The following CYSTM1 variants were observed in gnomAD, a reference collection of about 807,000 sequenced individuals.
The protein encoded by CYSTM1 is cysteine-rich transmembrane module-containing protein 1.
A neutral mutation model predicts 13.1 loss-of-function variants in CYSTM1; 4 were observed. The ratio of observed to expected loss-of-function variants is 0.31; its 90% CI spans 0.15 to 0.70. The LOEUF (loss-of-function observed/expected upper bound fraction) is 0.70, where lower values mean the gene tolerates loss of function less well. Among genes scored for constraint, CYSTM1 ranks in the 30% least tolerant of loss-of-function variants. The pLI, the probability that CYSTM1 is intolerant of heterozygous loss-of-function variation, is 0.72. For missense variants in CYSTM1, 96 were observed against 121.6 expected, an observed-to-expected ratio of 0.79 and a Z score of 0.99; for synonymous variants, 36 against 42.7, an observed-to-expected ratio of 0.84 and a Z score of 0.62.
intron 2 of CYSTM1, among the ~76,000 whole-genome samples, chr5:140,231,995 A>C (rs1003228438): frequency 1.3e-5 from 2 of 152,220 alleles, no homozygotes; most frequent in African/African-American, 4.8e-5. Flanking sequence ...GCACAGGTAC[A>C]CATGGTGATT....
At chr5:140,201,300 C>T (rs898523124) in intron 2 of CYSTM1, 1 of 152,218 alleles carries the variant, frequency 6.6e-6, no homozygotes, top group Non-Finnish European at 1.5e-5. Context: ...TATCCACCCC[C>T]TTCCACCACC....
At chr5:140,213,010 T>TATGA (rs1561814064) in intron 2 of CYSTM1, among the ~76,000 whole-genome samples, 1 of 122,396 alleles carries the variant, frequency 8.2e-6, no homozygotes, top group Non-Finnish European at 1.7e-5. Flanking sequence ...TATATATATA[T>TATGA]GAGAGAGAGA....
intron 2 of CYSTM1, among the ~76,000 whole-genome samples, chr5:140,224,298 C>T (rs962217783): frequency 2.0e-5 from 3 of 152,050 alleles, no homozygotes; most frequent in Non-Finnish European, 4.4e-5. Flanking sequence ...CGCCACCACA[C>T]CCAGCTAATT....
chr5:140,213,665 G>A (rs1764397075), intron 2 of CYSTM1, among the ~76,000 whole-genome samples: 1 of 152,058 alleles, frequency 6.6e-6, no homozygotes, highest in South Asian at 2.1e-4. Flanking sequence ...CATTTTTACT[G>A]TACCTTTTCT....
intron 2 of CYSTM1, among the ~76,000 whole-genome samples, chr5:140,198,585 G>A (rs561011936): frequency 1.3e-5 from 2 of 152,348 alleles, no homozygotes; most frequent in South Asian, 4.1e-4. Context: ...GCCCAGAACT[G>A]GCACAGCATC....
At chr5:140,228,728 A>G (rs1281674865) in intron 2 of CYSTM1, 2 of 398,954 alleles carry the variant, frequency 5.0e-6, no homozygotes, top group African/African-American at 2.1e-5. Flanking sequence ...CCCCTTCAAC[A>G]GTGTACGTGA....
At chr5:140,177,075 A>AAAAACAAAAAAAAAACAACAAC (rs1356130969) in intron 1 of CYSTM1, among the ~76,000 whole-genome samples, 9 of 151,108 alleles carry the variant, frequency 6.0e-5, no homozygotes, top group African/African-American at 1.5e-4. Flanking sequence ...TCTCAAAAAA[A>AAAAACAAAAAAAAAACAACAAC]AAAAAAAAAA....
At chr5:140,177,237 G>C (rs577457745) in intron 1 of CYSTM1, among the ~76,000 whole-genome samples, 4 of 152,084 alleles carry the variant, frequency 2.6e-5, no homozygotes, top group South Asian at 2.1e-4. Flanking sequence ...ATTTTTCCCA[G>C]CCCTGAAATT....
chr5:140,191,335 C>A (rs920889773), intron 1 of CYSTM1, among the ~76,000 whole-genome samples: 3 of 152,160 alleles, frequency 2.0e-5, no homozygotes, highest in African/African-American at 7.2e-5. Flanking sequence ...TGTATAAATG[C>A]CTCTGTGAAT....
intron 2 of CYSTM1, among the ~76,000 whole-genome samples, chr5:140,218,764 G>A (rs1424511030): frequency 3.3e-5 from 5 of 152,170 alleles, no homozygotes; most frequent in Non-Finnish European, 5.9e-5. Context: ...TGCTATATAC[G>A]GGGCTTTTGG....
Position 140,229,420 on chromosome 5 carries a change from C to T in CYSTM1, c.188-13885C>T, listed in dbSNP as rs1171337184. Reference sequence around the variant, plus strand: ...CCATGTTTTCCAGGCTGGTCTTGAACTCCTGAATTTAAGCGATCCACCTGA... The same window carrying T: ...CCATGTTTTCCAGGCTGGTCTTGAATTCCTGAATTTAAGCGATCCACCTGA... On this transcript the variant is annotated intron_variant, in intron 2 of 2. Transcript: ENST00000261811. 2.0e-5 allele frequency among the ~76,000 whole-genome samples: 3 copies of T among 152,004 alleles called. No homozygotes were observed. In the South Asian group the frequency reaches 6.2e-4, roughly 32 times the overall value.
intron 2 of CYSTM1, among the ~76,000 whole-genome samples, chr5:140,240,030 C>T (rs1355718245): frequency 1.3e-5 from 2 of 152,190 alleles, no homozygotes; most frequent in East Asian, 3.9e-4. Context: ...GCTCCGGTCC[C>T]TAGACTGGCC....
chr5:140,236,820 C>T (rs1209917432), intron 2 of CYSTM1, among the ~76,000 whole-genome samples: 1 of 152,170 alleles, frequency 6.6e-6, no homozygotes, highest in Non-Finnish European at 1.5e-5. Flanking sequence ...TGGTTTTAAC[C>T]TCTTCTTTTG....
chr5:140,226,592 A>ATATATATATATATATG (rs1764558804), intron 2 of CYSTM1, among the ~76,000 whole-genome samples: 1 of 101,182 alleles, frequency 9.9e-6, no homozygotes, highest in Non-Finnish European at 1.9e-5. Flanking sequence ...AATATTATAT[A>ATATATATATATATATG]TATATATATA....
At position 140,200,557 on chromosome 5, in the gene CYSTM1, C is replaced by CTTTTTTTTTTTTTTT. The variant is rs57173526; in HGVS notation, c.187+5912_187+5926dup. 106 of 78,728 alleles carry CTTTTTTTTTTTTTTT rather than the reference C, an allele frequency of 1.3e-3. 3 individuals carry two copies. Among genetic ancestry groups the CTTTTTTTTTTTTTTT allele is most frequent in the African/African-American group, 5.2e-3 (100 of 19,122 alleles). 4.9% of individuals were successfully genotyped at this position (78,728 alleles called of 1,614,324 possible). A position where few individuals can be genotyped will look rare whatever the true frequency, so the allele number is the denominator to read the frequency against. ...ATTTCCTTCCACTCTTCCCCCCGGC[C>CTTTTTTTTTTTTTTT]TTTTTTTTTTTTTTTTTTTTTGAGG... On this transcript the variant is annotated intron_variant, in intron 2 of 2. Coordinates refer to ENST00000261811, the MANE Select transcript of CYSTM1 (RefSeq NM_032412.4).
At chr5:140,234,912 G>A (rs1018353123) in intron 2 of CYSTM1, among the ~76,000 whole-genome samples, 1 of 151,962 alleles carries the variant, frequency 6.6e-6, no homozygotes, top group Non-Finnish European at 1.5e-5. Flanking sequence ...GCATGATTAG[G>A]TTTTTTCTCT....
chr5:140,243,561 G>T lies in CYSTM1; in HGVS notation c.*150G>T. ...CACTATGGGATTCTAGATTAATGGG[G>T]GTTGCTACTGTTTAATTCAGTGACT... On this transcript the variant is annotated 3_prime_UTR_variant, in exon 3 of 3. Transcript: ENST00000261811. 1.7e-6 allele frequency: 1 copy of T among 572,096 alleles called. No individual in the cohort carries two copies. The allele number at this position is 572,096 out of a possible 1,614,324, so 35.4% of individuals were successfully genotyped here.
intron 2 of CYSTM1, among the ~76,000 whole-genome samples, chr5:140,225,550 T>C (rs949286150): frequency 3.3e-5 from 5 of 152,260 alleles, no homozygotes; most frequent in Non-Finnish European, 7.3e-5. Context: ...CCACATCCTC[T>C]GACTTGGAAG....
chr5:140,229,213 G>A (rs1040084234), intron 2 of CYSTM1, among the ~76,000 whole-genome samples: 11 of 149,600 alleles, frequency 7.4e-5, no homozygotes, highest in African/African-American at 2.5e-4. Flanking sequence ...CTTTTTTTTT[G>A]GAATGGAGTC....
Sources: allele counts gnomAD v4.1 joint callset (sites outside exome capture counted in the v4.1 genomes callset), GRCh38; gene constraint gnomAD v4.1.1; transcripts MANE v1.5; gene names NCBI Gene and HGNC (gene_info 2026-07-23, HGNC 2026-07-21).